PRAM1: variants seen among roughly 807,000 people sequenced by gnomAD.
PRAM1 encodes the protein PML-RARA regulated adaptor molecule 1.
A neutral mutation model predicts 55.3 loss-of-function variants in PRAM1; 41 were observed. The ratio of observed to expected loss-of-function variants is 0.74; its 90% CI spans 0.58 to 0.96. The LOEUF (loss-of-function observed/expected upper bound fraction) is 0.96, where lower values mean the gene tolerates loss of function less well. Among genes scored for constraint, PRAM1 ranks in the 40% least tolerant of loss-of-function variants. The probability of loss-of-function intolerance (pLI) is 0.00; values close to 1 mark genes in which losing one functional copy is unlikely to be tolerated. For missense variants in PRAM1, 898 were observed against 892.7 expected, an observed-to-expected ratio of 1.01 and a Z score of -0.08; for synonymous variants, 401 against 387.1, an observed-to-expected ratio of 1.04 and a Z score of -0.42.
intron 4 of PRAM1, among the ~76,000 whole-genome samples, chr19:8,495,887 C>A (rs1267114793): frequency 6.6e-6 from 1 of 151,960 alleles, no homozygotes; most frequent in Non-Finnish European, 1.5e-5. Context: ...GATTTAGGGA[C>A]AGGCAGGCAA....
chr19:8,500,508 C>T (rs1971791938), intron 1 of PRAM1, among the ~76,000 whole-genome samples: 1 of 152,134 alleles, frequency 6.6e-6, no homozygotes, highest in African/African-American at 2.4e-5. Flanking sequence ...GTTTGTGTCC[C>T]TCTGCTCAAA....
At chr19:8,497,901 G>A (rs1174913450) in intron 3 of PRAM1, 61 bp from the exon 4 acceptor site, 11 of 1,051,106 alleles carry the variant, frequency 1.0e-5, no homozygotes, top group African/African-American at 2.1e-5. Context: ...TTTTTGAGAC[G>A]GAGTTTTTCT....
At chr19:8,492,377 A>G (rs886380247) in intron 4 of PRAM1, among the ~76,000 whole-genome samples, 2 of 151,552 alleles carry the variant, frequency 1.3e-5, no homozygotes, top group African/African-American at 4.8e-5. Context: ...CTGCCTCAGC[A>G]TCCTGAGTAG....
chr19:8,501,483 T>C lies in PRAM1; in HGVS notation c.27+1082A>G, dbSNP rs1609713. ...ACCCACCCCTACGTATTATACTATT[T>C]TACATTGTTTTTAATGTGTCTTGAT... On this transcript the variant is annotated intron_variant, in intron 1 of 9. Transcript: ENST00000423345. Among the ~76,000 whole-genome samples, 328 of 151,348 alleles carry C rather than the reference T, an allele frequency of 2.2e-3. 1 individual carries two copies. The highest frequency in any genetic ancestry group is 7.5e-3 in the African/African-American group (309 of 41,184).
rs1211660432 is a variant in PRAM1 at position 8,490,832 on chromosome 19, G to T, written c.1743+55C>A. 7 of 1,608,478 alleles carry T rather than the reference G, an allele frequency of 4.4e-6. No homozygotes were observed. In the East Asian group the frequency reaches 8.9e-5, roughly 20 times the overall value. Reference sequence around the variant, plus strand: ...CTGTCTTCTTTCTGAGCCTGGGATCGGTGGGACCCTGGTCTCCGCCCTGCC... The same window carrying T: ...CTGTCTTCTTTCTGAGCCTGGGATCTGTGGGACCCTGGTCTCCGCCCTGCC... On this transcript the variant is annotated intron_variant, in intron 6 of 9. Coordinates refer to ENST00000423345, the MANE Select transcript of PRAM1 (RefSeq NM_032152.5). The surrounding 1 kb of genome is among the most constrained non-coding windows in gnomAD (Gnocchi z 7.3).
At chr19:8,498,179 A>G in intron 3 of PRAM1, 44 bp downstream of exon 3, 1 of 1,587,334 alleles carries the variant, frequency 6.3e-7, no homozygotes, top group Non-Finnish European at 8.6e-7. Context: ...GGCCTCTTTG[A>G]GCCCCACAAT....
At chr19:8,497,028 A>T (rs1255182806) in intron 4 of PRAM1, among the ~76,000 whole-genome samples, 2 of 152,264 alleles carry the variant, frequency 1.3e-5, no homozygotes, top group East Asian at 1.9e-4. Flanking sequence ...TCCATCTCAA[A>T]AAATAAATAA....
Position 8,502,548 on chromosome 19 carries a change from C to A in PRAM1, c.27+17G>T, listed in dbSNP as rs758981174. 2 of 1,545,572 alleles carry A rather than the reference C, an allele frequency of 1.3e-6. No homozygotes were observed. Among genetic ancestry groups the A allele is most frequent in the Non-Finnish European group, 8.7e-7 (1 of 1,146,840 alleles). On this transcript the variant is annotated intron_variant, in intron 1 of 9. Coordinates refer to ENST00000423345, the MANE Select transcript of PRAM1 (RefSeq NM_032152.5). ...TGCTTCCCAGCCAGTGAGGCACAGG[C>A]CTCTTCCAGCACTCACCATGGCTGC... is the stretch of plus-strand genomic sequence containing the variant.
chr19:8,500,580 G>C (rs142008805), intron 1 of PRAM1, among the ~76,000 whole-genome samples: 1 of 151,812 alleles, frequency 6.6e-6, no homozygotes, highest in Non-Finnish European at 1.5e-5. Flanking sequence ...AAGCCTGGGC[G>C]AACCAGCCTC....
At position 8,498,593 on chromosome 19, in the gene PRAM1, C is replaced by A. The variant is rs189251355; in HGVS notation, c.1215G>T (p.Pro405=). The A allele has an allele frequency of 1.9e-6, 3 of 1,612,464 alleles. No individual in the cohort carries two copies. The highest frequency in any genetic ancestry group is 2.5e-6 in the Non-Finnish European group (3 of 1,179,690). ...AAVAGFSSRH[P]LSPGFGAAGT... ...CAGCCGCTCCAAACCCAGGGCTGAG[C>A]GGGTGCCGGGAGCTGAAGCCGGCCA... is the stretch of plus-strand genomic sequence containing the variant. Residue 405 remains proline, a synonymous_variant, in exon 2 of 10, where the codon CCG becomes CCT. Transcript: ENST00000423345.
Position 8,491,101 on chromosome 19 carries a change from T to G in PRAM1, c.1633A>C (p.Arg545=), listed in dbSNP as rs1382847313. 8 of 1,612,098 alleles carry G rather than the reference T, an allele frequency of 5.0e-6. No homozygotes were observed. In the Admixed American group the frequency reaches 8.3e-5, roughly 17 times the overall value. The change falls in exon 5 of 10, where the codon AGG becomes CGG. Residue 545 remains arginine (R), a splice_region_variant and synonymous_variant. Transcript: ENST00000423345. Reference sequence around the variant, plus strand: ...GCCCACCCCCTCTGCCCATGGCACCTGAGCGCTGGGTCTTGTGGTGGCCTC... The same window carrying G: ...GCCCACCCCCTCTGCCCATGGCACCGGAGCGCTGGGTCTTGTGGTGGCCTC... ...ARRPPQDPAL[R]KEKDPQPQQL... is the part of the protein sequence containing the mutation.
At position 8,499,676 on chromosome 19, in the gene PRAM1, C is replaced by G. The variant is rs78618855; in HGVS notation, c.132G>C (p.Leu44=). The change falls in exon 2 of 10, where the codon CTG becomes CTC. Residue 44 remains leucine, a synonymous_variant. Coordinates refer to ENST00000423345, the MANE Select transcript of PRAM1 (RefSeq NM_032152.5). ...TTAGCTCAGGCTGGGAGAACTTCTT[C>G]AGTTTACCAAACTCAGGCTTCGGAG... The part of the protein sequence containing the change: ...KKPPKPEFGK[L]KKFSQPELSE... 5,771 of 1,606,670 alleles carry G rather than the reference C, an allele frequency of 3.6e-3. 343 individuals carry two copies. In the African/African-American group the frequency reaches 0.075, roughly 21 times the overall value.
Position 8,498,892 on chromosome 19 carries a change from G to A in PRAM1, c.916C>T (p.Pro306Ser). 10 of 1,613,504 alleles carry A rather than the reference G, an allele frequency of 6.2e-6. No individual in the cohort carries two copies. The highest frequency in any genetic ancestry group is 8.5e-6 in the Non-Finnish European group (10 of 1,179,692). Residue 306 changes from proline (P) to serine (S), a missense_variant, in exon 2 of 10, where the codon CCC (proline) becomes TCC (serine). Physicochemically the swap from Pro to Ser is moderately conservative, Grantham distance 74 (BLOSUM62 -1). Around this residue, in one of 4 missense-constraint regions of PRAM1, gnomAD observed 787 missense variants for 735.4 expected, o/e 1.07. Coordinates refer to ENST00000423345, the MANE Select transcript of PRAM1 (RefSeq NM_032152.5). ...AATTCGGCCGGCCGCGGCCTCTTGG[G>A]AAGCACGCTGACTTCGGGCTCTGAG... ...TSSEPEVSVL[P>S]KRPRPAEFKA... is the part of the protein sequence containing the mutation.
intron 1 of PRAM1, 93 bp from the exon 2 acceptor site, chr19:8,499,873 C>T (rs576637386): frequency 2.7e-6 from 3 of 1,111,300 alleles, no homozygotes; most frequent in East Asian, 2.6e-5. Context: ...AGCCCACAAC[C>T]ACCACCCCTG....
chr19:8,490,691 C>G lies in PRAM1; in HGVS notation c.1809G>C (p.Gly603=), dbSNP rs778382260. The change falls in exon 7 of 10, where the codon GGG becomes GGC. Residue 603 remains glycine, a synonymous_variant. Coordinates refer to ENST00000423345, the MANE Select transcript of PRAM1 (RefSeq NM_032152.5). The surrounding 1 kb of genome is among the most constrained non-coding windows in gnomAD (Gnocchi z 7.3). ...GCCGGATCCCGAGGTGCTTGCCACC[C>G]CCGCGACGTGTCTTAGCGTTGGGGT... ...MIDPNAKTRR[G]GGKHLGIRRG... is the part of the protein sequence containing the mutation. 6.2e-7 allele frequency: 1 copy of G among 1,606,984 alleles called. No individual in the cohort carries two copies. Among genetic ancestry groups the G allele is most frequent in the Non-Finnish European group, 8.5e-7 (1 of 1,176,972 alleles).
In PRAM1 at chr19:8,490,253, A is replaced by G. The variant is rs779054639; in HGVS notation, c.1976-27T>C. The G allele has an allele frequency of 3.7e-6, 6 of 1,610,010 alleles. No homozygotes were observed. The highest frequency in any genetic ancestry group is 5.1e-6 in the Non-Finnish European group (6 of 1,177,620). Reference sequence around the variant, plus strand: ...TGCCGAGGAAGCGTGACTTCCATGGACCCCTCTCCCCAGAAGCCCAATAGT... The same window carrying G: ...TGCCGAGGAAGCGTGACTTCCATGGGCCCCTCTCCCCAGAAGCCCAATAGT... On this transcript the variant is annotated intron_variant, in intron 9 of 9. Coordinates refer to ENST00000423345, the MANE Select transcript of PRAM1 (RefSeq NM_032152.5). This position sits in a 1 kb window ranked among gnomAD's most constrained non-coding sequence, Gnocchi z 7.3.
chr19:8,495,964 G>A (rs779148043), intron 4 of PRAM1: 7 of 431,856 alleles, frequency 1.6e-5, no homozygotes, highest in Non-Finnish European at 3.3e-5. Context: ...CAGGAGGTGC[G>A]GGCCTGCTCC....
At chr19:8,494,561 C>T (rs1971671071) in intron 4 of PRAM1, among the ~76,000 whole-genome samples, 1 of 152,202 alleles carries the variant, frequency 6.6e-6, no homozygotes, top group Non-Finnish European at 1.5e-5. Flanking sequence ...GCCACAGATC[C>T]AGCTCGTGGA....
chr19:8,498,345 G>A (rs879658449), intron 2 of PRAM1, 31 bp downstream of exon 2: 2 of 1,588,322 alleles, frequency 1.3e-6, no homozygotes, highest in East Asian at 4.6e-5. Flanking sequence ...CTCAGCCCCC[G>A]CTCCTGCCGG....
Sources: allele counts gnomAD v4.1 joint callset (sites outside exome capture counted in the v4.1 genomes callset), GRCh38; gene constraint gnomAD v4.1.1; regional missense constraint gnomAD v4.1.1; non-coding constraint Gnocchi (gnomAD v3.1); transcripts MANE v1.5; gene names NCBI Gene and HGNC (gene_info 2026-07-23, HGNC 2026-07-21).